The following RCAN2 variants were observed in gnomAD, a reference collection of about 807,000 sequenced individuals.
RCAN2 encodes the protein regulator of calcineurin 2, also known as calcipressin-2.
In RCAN2, 9 loss-of-function variants were observed where a neutral mutation model predicts 23.6. That is an observed-to-expected ratio of 0.38 (90% confidence interval 0.23 to 0.67). The LOEUF (loss-of-function observed/expected upper bound fraction) is 0.67, where lower values mean the gene tolerates loss of function less well. RCAN2 is among the 30% of genes least tolerant of loss of function. The probability of loss-of-function intolerance (pLI) is 0.51; values close to 1 mark genes in which losing one functional copy is unlikely to be tolerated. For synonymous variants in RCAN2, 109 were observed against 115.7 expected, an observed-to-expected ratio of 0.94 and a Z score of 0.37; for missense variants, 273 against 302.3, an observed-to-expected ratio of 0.90 and a Z score of 0.72.
intron 2 of RCAN2, among the ~76,000 whole-genome samples, chr6:46,300,296 C>A (rs906219516): frequency 2.3e-4 from 35 of 151,900 alleles, no homozygotes; most frequent in African/African-American, 8.2e-4. Flanking sequence ...CAACACTCAA[C>A]TACATGCCCT....
intron 2 of RCAN2, among the ~76,000 whole-genome samples, chr6:46,405,000 C>T (rs1715719872): frequency 6.6e-6 from 1 of 152,194 alleles, no homozygotes; most frequent in Admixed American, 6.5e-5. Context: ...TCTGCTAAGA[C>T]TCACACTACT....
intron 2 of RCAN2, among the ~76,000 whole-genome samples, chr6:46,324,220 C>T (rs1177431480): frequency 1.3e-5 from 2 of 152,222 alleles, no homozygotes; most frequent in Admixed American, 1.3e-4. Context: ...CTTCATATGA[C>T]AGGTGGTAGA....
intron 2 of RCAN2, among the ~76,000 whole-genome samples, chr6:46,287,673 T>C (rs1478887434): frequency 6.6e-6 from 1 of 152,250 alleles, no homozygotes; most frequent in Non-Finnish European, 1.5e-5. Flanking sequence ...ACACATTTAA[T>C]AGGCTTTCAT....
intron 2 of RCAN2, among the ~76,000 whole-genome samples, chr6:46,259,113 G>T (rs1767024472): frequency 6.6e-6 from 1 of 152,156 alleles, no homozygotes; most frequent in South Asian, 2.1e-4. Flanking sequence ...TTGAACCTGG[G>T]AGGTGGAGGT....
intron 2 of RCAN2, among the ~76,000 whole-genome samples, chr6:46,413,764 C>T (rs1766618403): frequency 6.6e-6 from 1 of 152,138 alleles, no homozygotes; most frequent in African/African-American, 2.4e-5. Flanking sequence ...GAGTAGAGAA[C>T]ACAGTTTGAA....
intron 2 of RCAN2, among the ~76,000 whole-genome samples, chr6:46,377,836 C>T (rs923257307): frequency 6.6e-6 from 1 of 152,108 alleles, no homozygotes; most frequent in Admixed American, 6.5e-5. Context: ...AGTTCAAACC[C>T]ACATGAAACA....
intron 2 of RCAN2, among the ~76,000 whole-genome samples, chr6:46,295,223 G>A (rs1762688139): frequency 6.6e-6 from 1 of 152,120 alleles, no homozygotes; most frequent in South Asian, 2.1e-4. Context: ...TATGCAAGTG[G>A]AGACATCCAG....
At chr6:46,240,557 C>T (rs1452979866) in intron 4 of RCAN2, among the ~76,000 whole-genome samples, 1 of 152,100 alleles carries the variant, frequency 6.6e-6, no homozygotes, top group Non-Finnish European at 1.5e-5. Context: ...CACAGAGAGA[C>T]TGTGCTAATG....
intron 2 of RCAN2, among the ~76,000 whole-genome samples, chr6:46,405,006 C>T (rs2150404827): frequency 6.6e-6 from 1 of 152,338 alleles, no homozygotes; most frequent in East Asian, 1.9e-4. Flanking sequence ...AAGACTCACA[C>T]TACTATCTTA....
chr6:46,306,339 A>C (rs1319167856), intron 2 of RCAN2, among the ~76,000 whole-genome samples: 1 of 152,130 alleles, frequency 6.6e-6, no homozygotes, highest in Non-Finnish European at 1.5e-5. Context: ...AAGATGACCC[A>C]CCAGCACTTC....
At chr6:46,323,959 A>G (rs1463936426) in intron 2 of RCAN2, among the ~76,000 whole-genome samples, 1 of 152,252 alleles carries the variant, frequency 6.6e-6, no homozygotes, top group African/African-American at 2.4e-5. Context: ...TAAACAACAG[A>G]TAACTGTTGA....
Position 46,223,640 on chromosome 6 carries a change from A to G in RCAN2, c.572-339T>C, listed in dbSNP as rs80214903. ...AGTTAGTCGTATTAGTTTCTCTTCTATTTTCCAACTTTGCTGCTAGTTTTT... is the reference window on the plus strand; with the variant it reads ...AGTTAGTCGTATTAGTTTCTCTTCTGTTTTCCAACTTTGCTGCTAGTTTTT... On this transcript the variant is annotated intron_variant, in intron 4 of 4. Coordinates refer to ENST00000371374, the MANE Select transcript of RCAN2 (RefSeq NM_001251974.2). Among the ~76,000 whole-genome samples the G allele has an allele frequency of 2.3e-4, 35 of 152,166 alleles. No homozygotes were observed. In the East Asian group the frequency reaches 6.6e-3, roughly 29 times the overall value.
chr6:46,356,473 C>T (rs553682096), intron 2 of RCAN2, among the ~76,000 whole-genome samples: 33 of 152,052 alleles, frequency 2.2e-4, no homozygotes, highest in Non-Finnish European at 4.0e-4. Flanking sequence ...TCCTACGTGT[C>T]CTCAAATGAT....
chr6:46,255,653 C>T (rs571323543), intron 2 of RCAN2, among the ~76,000 whole-genome samples: 8 of 152,104 alleles, frequency 5.3e-5, no homozygotes, highest in African/African-American at 1.4e-4. Context: ...GAGGATTGCA[C>T]GGTGACCACC....
chr6:46,455,886 A>C (rs1768010516), intron 2 of RCAN2, among the ~76,000 whole-genome samples: 1 of 149,588 alleles, frequency 6.7e-6, no homozygotes, highest in South Asian at 2.1e-4. Flanking sequence ...GAAAGAAAGA[A>C]AAAGAAAAAG....
At chr6:46,275,204 A>C (rs1192354556) in intron 2 of RCAN2, among the ~76,000 whole-genome samples, 1 of 151,844 alleles carries the variant, frequency 6.6e-6, no homozygotes, top group Non-Finnish European at 1.5e-5. Flanking sequence ...ATCATGTGTA[A>C]GTGTTTTAAA....
chr6:46,377,764 A>G (rs1446884399), intron 2 of RCAN2, among the ~76,000 whole-genome samples: 1 of 152,220 alleles, frequency 6.6e-6, no homozygotes, highest in South Asian at 2.1e-4. Flanking sequence ...TCAGGAAGTC[A>G]GGGAGGAAAG....
chr6:46,415,249 T>C (rs1766675164), intron 2 of RCAN2, among the ~76,000 whole-genome samples: 1 of 152,098 alleles, frequency 6.6e-6, no homozygotes, highest in Non-Finnish European at 1.5e-5. Flanking sequence ...GCACTAGCTG[T>C]AGGAACGGAT....
chr6:46,351,655 A>C (rs1764649682), intron 2 of RCAN2, among the ~76,000 whole-genome samples: 1 of 133,088 alleles, frequency 7.5e-6, no homozygotes, highest in Non-Finnish European at 1.7e-5. Context: ...CAGACAGGAA[A>C]ATAAGTGATT....
Sources: gnomAD v4.1 joint callset for allele counts (sites outside exome capture counted in the v4.1 genomes callset) on GRCh38, gnomAD v4.1.1 for gene constraint, MANE v1.5 for transcripts, NCBI Gene and HGNC (gene_info 2026-07-23, HGNC 2026-07-21) for gene names.